The following GALNT13 variants were observed in gnomAD, a reference collection of about 807,000 sequenced individuals.
GALNT13 encodes polypeptide N-acetylgalactosaminyltransferase 13.
In GALNT13, 28 loss-of-function variants were observed where a neutral mutation model predicts 64.2. That is an observed-to-expected ratio of 0.44 (90% CI 0.32 to 0.60). The LOEUF is 0.60. Ranked by LOEUF, GALNT13 falls within the 20% of genes least tolerant of loss-of-function variation. GALNT13 has a pLI of 0.05. For missense variants in GALNT13, 577 were observed against 669.8 expected (o/e 0.86, Z 1.53); for synonymous variants, 214 against 224.6 (o/e 0.95, Z 0.42).
At chr2:153,648,449 C>A in the GALNT13 span, among the ~76,000 whole-genome samples, 2 of 152,094 alleles carry the variant, frequency 1.3e-5, no homozygotes, top group Non-Finnish European at 2.9e-5. Flanking sequence ...TAATTGAATA[C>A]CCTGTATTTC....
rs142743261 is a variant in GALNT13 at position 154,092,725 on chromosome 2, C to T, written c.143-47612C>T. On this transcript the variant is annotated intron_variant, in intron 3 of 12. Coordinates refer to ENST00000392825, the MANE Select transcript of GALNT13 (RefSeq NM_052917.4). ...AGAGAAACATCATTTACTCCATCATCATCATGAACAGTGGTAACTGATGTG... is the reference window on the plus strand; with the variant it reads ...AGAGAAACATCATTTACTCCATCATTATCATGAACAGTGGTAACTGATGTG... 2.5e-3 allele frequency among the ~76,000 whole-genome samples: 382 copies of T among 152,150 alleles called. 6 individuals are homozygous for T. Among genetic ancestry groups the T allele is most frequent in the African/African-American group, 8.9e-3 (369 of 41,548 alleles).
chr2:153,175,868 A>C, the GALNT13 span, among the ~76,000 whole-genome samples: 1 of 152,292 alleles, frequency 6.6e-6, no homozygotes, highest in East Asian at 1.9e-4. Context: ...GGACCAGCTA[A>C]AGATTGAACA....
the GALNT13 span, among the ~76,000 whole-genome samples, chr2:153,444,391 A>G: frequency 1.3e-5 from 2 of 152,246 alleles, no homozygotes; most frequent in African/African-American, 2.4e-5. Context: ...ATAATCTGAT[A>G]AAAATCTCAA....
the GALNT13 span, among the ~76,000 whole-genome samples, chr2:153,330,907 G>C: frequency 6.6e-6 from 1 of 152,158 alleles, no homozygotes; most frequent in African/African-American, 2.4e-5. Context: ...GATGTTGGCT[G>C]TGGGTTTGTC....
At chr2:153,217,435 A>C in the GALNT13 span, among the ~76,000 whole-genome samples, 1 of 151,830 alleles carries the variant, frequency 6.6e-6, no homozygotes, top group Non-Finnish European at 1.5e-5. Flanking sequence ...TCTCATTCTT[A>C]CTTCTTCTGT....
chr2:153,416,030 A>C, the GALNT13 span, among the ~76,000 whole-genome samples: 1 of 152,206 alleles, frequency 6.6e-6, no homozygotes, highest in Admixed American at 6.5e-5. Flanking sequence ...CTACCACTAA[A>C]TCTACTGAAA....
chr2:153,616,674 T>C, the GALNT13 span, among the ~76,000 whole-genome samples: 6 of 151,992 alleles, frequency 3.9e-5, no homozygotes, highest in Non-Finnish European at 5.9e-5. Flanking sequence ...TATTTAATTT[T>C]ATTGGTGGCT....
the GALNT13 span, among the ~76,000 whole-genome samples, chr2:153,848,690 A>T: frequency 2.6e-5 from 4 of 152,118 alleles, no homozygotes; most frequent in Non-Finnish European, 5.9e-5. Context: ...GAAAAAATAT[A>T]TGCTATCAAT....
chr2:153,915,698 CT>C (rs1266672501), intron 2 of GALNT13, among the ~76,000 whole-genome samples: 2 of 88,682 alleles, frequency 2.3e-5, no homozygotes, highest in African/African-American at 4.1e-5. Context: ...TTTTGTAGTT[CT>C]TTTCCACAGT....
At chr2:153,659,030 A>C in the GALNT13 span, among the ~76,000 whole-genome samples, 1 of 152,134 alleles carries the variant, frequency 6.6e-6, no homozygotes, top group Non-Finnish European at 1.5e-5. Flanking sequence ...TTGTTTCTAT[A>C]AACCATAATG....
At chr2:153,542,288 C>T in the GALNT13 span, among the ~76,000 whole-genome samples, 2 of 151,836 alleles carry the variant, frequency 1.3e-5, no homozygotes, top group African/African-American at 2.4e-5. Flanking sequence ...CCATTGCACT[C>T]CAACCTGGGC....
At chr2:154,025,859 G>A (rs1697921828) in intron 3 of GALNT13, among the ~76,000 whole-genome samples, 1 of 152,090 alleles carries the variant, frequency 6.6e-6, no homozygotes, top group Non-Finnish European at 1.5e-5. Context: ...GGGTAACTGG[G>A]TCTTGAACTG....
chr2:154,167,553 ACTTTT>A (rs1305906487), intron 4 of GALNT13, among the ~76,000 whole-genome samples: 2 of 152,184 alleles, frequency 1.3e-5, no homozygotes, highest in African/African-American at 2.4e-5. Flanking sequence ...TTAAGCAAAA[ACTTTT>A]CTTTTACTCC....
At chr2:153,111,272 T>C in the GALNT13 span, among the ~76,000 whole-genome samples, 1 of 152,054 alleles carries the variant, frequency 6.6e-6, no homozygotes, top group Non-Finnish European at 1.5e-5. Context: ...TTTGATAACA[T>C]AAAACAAATC....
At chr2:153,164,206 A>T in the GALNT13 span, among the ~76,000 whole-genome samples, 5 of 152,296 alleles carry the variant, frequency 3.3e-5, no homozygotes, top group East Asian at 9.7e-4. Flanking sequence ...GAAAATAAAA[A>T]GTAAAATACA....
chr2:154,373,820 G>A (rs923791022), intron 9 of GALNT13, among the ~76,000 whole-genome samples: 2 of 152,190 alleles, frequency 1.3e-5, no homozygotes, highest in African/African-American at 4.8e-5. Flanking sequence ...ACTGTTTTAA[G>A]GACTAAAGAT....
intron 3 of GALNT13, among the ~76,000 whole-genome samples, chr2:154,101,843 C>G (rs1209570311): frequency 6.6e-6 from 1 of 152,000 alleles, no homozygotes; most frequent in Non-Finnish European, 1.5e-5. Context: ...TGTTGTTTCT[C>G]TATTTTTACT....
At chr2:153,755,173 A>G in the GALNT13 span, among the ~76,000 whole-genome samples, 1 of 152,136 alleles carries the variant, frequency 6.6e-6, no homozygotes, top group East Asian at 1.9e-4. Context: ...TGACTTTTTG[A>G]TCTTATAAAG....
intron 3 of GALNT13, among the ~76,000 whole-genome samples, chr2:154,036,839 C>T (rs956160338): frequency 3.3e-5 from 5 of 151,872 alleles, no homozygotes; most frequent in Admixed American, 1.3e-4. Context: ...AAAGAGATAT[C>T]GATATCTTTG....
Sources: allele counts gnomAD v4.1 joint callset (sites outside exome capture counted in the v4.1 genomes callset), GRCh38; gene constraint gnomAD v4.1.1; transcripts MANE v1.5; gene names NCBI Gene and HGNC (gene_info 2026-07-23, HGNC 2026-07-21).